The following PTPRT variants were observed in gnomAD, a reference collection of about 807,000 sequenced individuals.
PTPRT encodes protein tyrosine phosphatase receptor type T, also known as receptor-type tyrosine-protein phosphatase T.
Under a neutral mutation model 176.8 loss-of-function variants are expected in PTPRT, and 56 were observed. The ratio of observed to expected loss-of-function variants is 0.32; its 90% CI spans 0.26 to 0.40. PTPRT has a LOEUF of 0.40. PTPRT is among the 10% of genes least tolerant of loss of function. The pLI, the probability that PTPRT is intolerant of heterozygous loss-of-function variation, is 1.00. For missense variants in PTPRT, 1,540 were observed against 1,908.2 expected, an observed-to-expected ratio of 0.81 and a Z score of 3.60; for synonymous variants, 783 against 739.0, an observed-to-expected ratio of 1.06 and a Z score of -0.96.
At chr20:42,922,430 C>G (rs192888897) in intron 1 of PTPRT, among the ~76,000 whole-genome samples, 3 of 152,362 alleles carry the variant, frequency 2.0e-5, no homozygotes, top group Admixed American at 2.0e-4. Context: ...CTACACCTCT[C>G]TCCTGGACTC....
intron 6 of PTPRT, among the ~76,000 whole-genome samples, chr20:42,698,897 CCCTTCTTATCTG>C (rs1392541250): frequency 6.6e-6 from 1 of 151,612 alleles, no homozygotes; most frequent in African/African-American, 2.4e-5. Context: ...AAATAAATGG[CCCTTCTTATCTG>C]CCTCTCCCTG....
chr20:42,684,113 G>A (rs1401128047), intron 6 of PTPRT, among the ~76,000 whole-genome samples: 2 of 152,308 alleles, frequency 1.3e-5, no homozygotes, highest in South Asian at 2.1e-4. Flanking sequence ...AGCACATTGG[G>A]AGGCCAAGGC....
chr20:42,380,067 T>TA lies in PTPRT; in HGVS notation c.1561-27783dup, dbSNP rs558608305. On this transcript the variant is annotated intron_variant, in intron 9 of 30. Coordinates refer to ENST00000373187, the MANE Select transcript of PTPRT (RefSeq NM_007050.6). ...TCAATCCTGCCCAAGGCCTATAGAG[T>TA]AAACGTGTGAGGCTGGTAGTCCACT... Among the ~76,000 whole-genome samples the TA allele has an allele frequency of 1.8e-3, 272 of 152,164 alleles. 8 individuals carry two copies. The South Asian group carries it at 0.055, about 31-fold the overall frequency.
At chr20:42,343,335 G>A (rs377134442) in intron 11 of PTPRT, among the ~76,000 whole-genome samples, 4 of 152,178 alleles carry the variant, frequency 2.6e-5, no homozygotes, top group Non-Finnish European at 2.9e-5. Flanking sequence ...TCCATCCCAC[G>A]AACCAAGCCA....
chr20:42,200,400 C>T (rs1254412088), intron 15 of PTPRT, among the ~76,000 whole-genome samples: 1 of 152,192 alleles, frequency 6.6e-6, no homozygotes, highest in African/African-American at 2.4e-5. Flanking sequence ...CACTAGACAC[C>T]TAGCAGTTGC....
Position 42,276,496 on chromosome 20 carries a change from AATATATATATATATATATATATATATAT to A in PTPRT, c.2176+5965_2176+5992del, listed in dbSNP as rs61484693. On this transcript the variant is annotated intron_variant, in intron 13 of 30. Transcript: ENST00000373187. ...TCAGAAAGGAAGAGAGAAAGAAGGA[AATATATATATATATATATATATATATAT>A]ATATATATATATATATATATATATA... Among the ~76,000 whole-genome samples, 324 of 44,200 alleles carry A rather than the reference AATATATATATATATATATATATATATAT, an allele frequency of 7.3e-3. 11 individuals are homozygous for A. The highest frequency in any genetic ancestry group is 0.015 in the East Asian group (29 of 2,000). The allele number at this position is 44,200 out of a possible 152,430, so 29.0% of individuals were successfully genotyped here.
intron 1 of PTPRT, among the ~76,000 whole-genome samples, chr20:43,136,385 A>C (rs1027985024): frequency 2.6e-5 from 4 of 152,202 alleles, no homozygotes; most frequent in Non-Finnish European, 5.9e-5. Context: ...GTGCTCAATA[A>C]ATGCTTGCTA....
chr20:43,128,607 G>T (rs931465886), intron 1 of PTPRT, among the ~76,000 whole-genome samples: 1 of 152,158 alleles, frequency 6.6e-6, no homozygotes, highest in Non-Finnish European at 1.5e-5. Flanking sequence ...ATGAGAAGAG[G>T]TTTCCTAATA....
chr20:42,174,410 A>G (rs977938679), intron 16 of PTPRT, among the ~76,000 whole-genome samples: 7 of 152,186 alleles, frequency 4.6e-5, no homozygotes, highest in Non-Finnish European at 7.3e-5. Flanking sequence ...CAGCAAGCAC[A>G]AGAAATGGAA....
At chr20:42,051,698 A>AAT in the PTPRT span, among the ~76,000 whole-genome samples, 1 of 152,216 alleles carries the variant, frequency 6.6e-6, no homozygotes, top group Non-Finnish European at 1.5e-5. Context: ...ATACTGAGAT[A>AAT]ATATTCTCAA....
intron 12 of PTPRT, among the ~76,000 whole-genome samples, chr20:42,300,168 G>C (rs1240322371): frequency 1.4e-5 from 2 of 145,286 alleles, no homozygotes; most frequent in Admixed American, 1.4e-4. Flanking sequence ...TGAGGCAGGA[G>C]AATCACTTGA....
At position 42,080,294 on chromosome 20, in the gene PTPRT, C is replaced by T. The variant is rs1036207474; in HGVS notation, c.*585G>A. The T allele has an allele frequency of 1.3e-5, 3 of 233,352 alleles. No homozygotes were observed. In the Admixed American group the frequency reaches 1.7e-4, roughly 13 times the overall value. The allele number at this position is 233,352 out of a possible 1,614,324, so 14.5% of individuals were successfully genotyped here. ...GTACAGAATGGTTGTGGGCGAAGCC[C>T]CATGCAGGTTAGGTGTGAGGATGGG... is the stretch of plus-strand genomic sequence containing the variant. On this transcript the variant is annotated 3_prime_UTR_variant, in exon 31 of 31. Transcript: ENST00000373187.
intron 7 of PTPRT, among the ~76,000 whole-genome samples, chr20:42,543,214 C>T (rs573978049): frequency 6.6e-5 from 10 of 152,286 alleles, no homozygotes; most frequent in African/African-American, 2.2e-4. Flanking sequence ...CAGCCTTTTA[C>T]CCAAATGTAG....
intron 1 of PTPRT, among the ~76,000 whole-genome samples, chr20:42,939,115 C>CA (rs763742096): frequency 6.6e-5 from 10 of 152,194 alleles, no homozygotes; most frequent in Admixed American, 6.5e-5. Context: ...CCAACTCGCT[C>CA]ACATTTGCAT....
At chr20:42,343,640 T>C (rs974330208) in intron 11 of PTPRT, among the ~76,000 whole-genome samples, 1 of 152,224 alleles carries the variant, frequency 6.6e-6, no homozygotes, top group Non-Finnish European at 1.5e-5. Flanking sequence ...CACAGACTCA[T>C]AGGCACTTTC....
Position 42,151,547 on chromosome 20 carries a change from T to C in PTPRT, c.2683-9545A>G, listed in dbSNP as rs373641449. ...CACATTTTCTTTATCCAGTCTATCA[T>C]TGATGGGCATTTGGGTTGGTTCCAA... On this transcript the variant is annotated intron_variant, in intron 17 of 30. Coordinates refer to ENST00000373187, the MANE Select transcript of PTPRT (RefSeq NM_007050.6). Among the ~76,000 whole-genome samples the C allele has an allele frequency of 3.3e-5, 5 of 152,352 alleles. No homozygotes were observed. In the East Asian group the frequency reaches 7.7e-4, roughly 23 times the overall value.
chr20:42,978,448 C>T (rs1303481804), intron 1 of PTPRT, among the ~76,000 whole-genome samples: 1 of 152,160 alleles, frequency 6.6e-6, no homozygotes, highest in Non-Finnish European at 1.5e-5. Context: ...TACTAAACTG[C>T]TCTCCAGAAA....
intron 9 of PTPRT, among the ~76,000 whole-genome samples, chr20:42,380,162 C>T (rs1272839681): frequency 2.0e-5 from 3 of 152,190 alleles, no homozygotes; most frequent in African/African-American, 7.2e-5. Context: ...TTTTTAAAAA[C>T]CTTGAACTTC....
At position 42,374,767 on chromosome 20, in the gene PTPRT, A is replaced by C. The variant is rs1304228344; in HGVS notation, c.1561-22482T>G. ...ACAGTAAAGATAATTTAAAATGATA[A>C]TACAGAGTGTTGCTGGAGTGAGAGT... is the stretch of plus-strand genomic sequence containing the variant. On this transcript the variant is annotated intron_variant, in intron 9 of 30. Transcript: ENST00000373187. Among the ~76,000 whole-genome samples the C allele has an allele frequency of 3.9e-5, 6 of 152,208 alleles. No individual in the cohort carries two copies. The East Asian group carries it at 1.2e-3, about 29-fold the overall frequency.
Sources: gnomAD v4.1 joint callset for allele counts (sites outside exome capture counted in the v4.1 genomes callset) on GRCh38, gnomAD v4.1.1 for gene constraint, MANE v1.5 for transcripts, NCBI Gene and HGNC (gene_info 2026-07-23, HGNC 2026-07-21) for gene names.